TTC23: variants seen among roughly 807,000 people sequenced by gnomAD.
The protein encoded by TTC23 is tetratricopeptide repeat protein 23.
TTC23 carries 58 observed loss-of-function variants against 55.1 expected under a neutral mutation model. The observed-to-expected ratio is 1.05, with a 90% CI of 0.85 to 1.31. The LOEUF (loss-of-function observed/expected upper bound fraction) is 1.31. Among genes scored for constraint, TTC23 ranks in the 50% most tolerant of loss-of-function variants. TTC23 has a pLI of 0.00. For synonymous variants in TTC23, 203 were observed against 199.9 expected (o/e 1.02, Z -0.13); for missense variants, 516 against 534.4 (o/e 0.97, Z 0.34).
chr15:99,138,163 C>A, intron 13 of TTC23, 36 bp from the exon 14 acceptor site: 1 of 1,607,456 alleles, frequency 6.2e-7, no homozygotes, highest in Non-Finnish European at 8.5e-7. Flanking sequence ...AGTGTGGTGC[C>A]CCTCAGCCCC....
At chr15:99,139,910 C>G in intron 12 of TTC23, 1 of 420,788 alleles carries the variant, frequency 2.4e-6, no homozygotes. Flanking sequence ...CTTGATTTCT[C>G]CCTTCTGCTT....
rs1008069494 is a variant in TTC23, at chr15:99,137,901, G to A, written c.*109C>T. ...ATGTTGGGGCCAACAGTTGGCCTTG[G>A]AAATCTGTATCCTGACTGTTGAATT... On this transcript the variant is annotated 3_prime_UTR_variant, in exon 14 of 14. Transcript: ENST00000394132. The A allele has an allele frequency of 2.2e-5, 33 of 1,529,964 alleles. No individual in the cohort carries two copies. The highest frequency in any genetic ancestry group is 5.3e-6 in the Non-Finnish European group (6 of 1,130,436). The allele number at this position is 1,529,964 out of a possible 1,614,324, so 94.8% of individuals were successfully genotyped here.
At chr15:99,142,463 G>C (rs2068347322) in intron 12 of TTC23, among the ~76,000 whole-genome samples, 1 of 152,212 alleles carries the variant, frequency 6.6e-6, no homozygotes, top group Non-Finnish European at 1.5e-5. Flanking sequence ...CTCTGATGCA[G>C]CTCATTTTGA....
At chr15:99,142,036 C>T (rs937590778) in intron 12 of TTC23, among the ~76,000 whole-genome samples, 2 of 152,192 alleles carry the variant, frequency 1.3e-5, no homozygotes, top group African/African-American at 4.8e-5. Context: ...ATGGGCTGAG[C>T]TGCTCATTCC....
rs142575241 is a variant in TTC23 at position 99,243,874 on chromosome 15, C to T, written c.-309+1515G>A. Reference sequence around the variant, plus strand: ...GTGGGGATAGTTAATGGGTACAAAACGTAGTTAGATAGAATGAATAAGATC... The same window carrying T: ...GTGGGGATAGTTAATGGGTACAAAATGTAGTTAGATAGAATGAATAAGATC... On this transcript the variant is annotated intron_variant, in intron 2 of 13. Transcript: ENST00000394132. Among the ~76,000 whole-genome samples the T allele has an allele frequency of 3.5e-3, 536 of 152,054 alleles. 3 individuals are homozygous for T. The highest frequency in any genetic ancestry group is 4.6e-3 in the Admixed American group (70 of 15,272).
chr15:99,163,261 A>AT (rs1218110515), intron 10 of TTC23, among the ~76,000 whole-genome samples: 1 of 152,172 alleles, frequency 6.6e-6, no homozygotes, highest in African/African-American at 2.4e-5. Context: ...GATGAGAAGG[A>AT]TTTTGCCTGC....
chr15:99,169,127 C>T (rs1044176138), intron 10 of TTC23, among the ~76,000 whole-genome samples: 13 of 152,230 alleles, frequency 8.5e-5, no homozygotes, highest in African/African-American at 2.9e-4. Flanking sequence ...CCCCTTTCTC[C>T]CTCACTCCCT....
intron 12 of TTC23, chr15:99,144,550 T>C (rs1596212909): frequency 6.6e-6 from 1 of 152,316 alleles, no homozygotes; most frequent in East Asian, 1.9e-4. Context: ...ATAACATCTA[T>C]TGAGGAATTT....
rs953381338 is a variant in TTC23, at chr15:99,241,346, T to C, written c.-114+19A>G. ...CAAACAAACAAACAAACAAAAAACA[T>C]GCTTCTCAGTTCACTTACTTTGAGT... On this transcript the variant is annotated intron_variant, in intron 3 of 13. Transcript: ENST00000394132. 3 of 152,856 alleles carry C rather than the reference T, an allele frequency of 2.0e-5. No individual in the cohort carries two copies. Among genetic ancestry groups the C allele is most frequent in the Admixed American group, 6.5e-5 (1 of 15,284 alleles). The allele number at this position is 152,856 out of a possible 1,614,324, so 9.5% of individuals were successfully genotyped here.
Position 99,221,857 on chromosome 15 carries a change from T to C in TTC23, c.188A>G (p.Gln63Arg). The C allele has an allele frequency of 6.2e-7, 1 of 1,614,166 alleles. No homozygotes were observed. The change falls in exon 6 of 14, where the codon CAG (glutamine) becomes CGG (arginine). Residue 63 changes from glutamine (Q) to arginine (R), a missense_variant. Transcript: ENST00000394132. ...KSYSNSHEYK[Q>R]AVHELVRCVA... The stretch of plus-strand genomic sequence containing the variant: ...GCAACGCACAAGCTCATGGACGGCC[T>C]GTTTGTACTGTTAGGAAGAGAAAAC...
At chr15:99,145,362 A>T (rs565901210) in intron 12 of TTC23, 1 of 152,356 alleles carries the variant, frequency 6.6e-6, no homozygotes, top group Non-Finnish European at 1.5e-5. Flanking sequence ...AAACGTGTCA[A>T]CAACTTGTGA....
intron 8 of TTC23, among the ~76,000 whole-genome samples, chr15:99,206,894 G>A (rs2076673165): frequency 6.6e-6 from 1 of 151,872 alleles, no homozygotes; most frequent in South Asian, 2.1e-4. Flanking sequence ...CACATTGTTA[G>A]GCTGTTTATT....
At chr15:99,176,829 A>G (rs2073615199) in intron 9 of TTC23, among the ~76,000 whole-genome samples, 1 of 152,196 alleles carries the variant, frequency 6.6e-6, no homozygotes, top group African/African-American at 2.4e-5. Context: ...AGAGATAGAG[A>G]TAAGAGTCTG....
At chr15:99,199,234 T>C (rs1218473892) in intron 9 of TTC23, among the ~76,000 whole-genome samples, 1 of 152,082 alleles carries the variant, frequency 6.6e-6, no homozygotes, top group Non-Finnish European at 1.5e-5. Flanking sequence ...GTTTCCCCTG[T>C]GGATTCCAGA....
chr15:99,177,671 C>CAT (rs2073720797), intron 9 of TTC23, among the ~76,000 whole-genome samples: 1 of 152,166 alleles, frequency 6.6e-6, no homozygotes, highest in South Asian at 2.1e-4. Context: ...GATGCAAAGA[C>CAT]ATATAGTATT....
At chr15:99,219,669 T>C (rs1243824867) in intron 6 of TTC23, among the ~76,000 whole-genome samples, 2 of 152,154 alleles carry the variant, frequency 1.3e-5, no homozygotes, top group Non-Finnish European at 2.9e-5. Context: ...TTCCCCAGTG[T>C]GTTCCAGTGT....
intron 12 of TTC23, chr15:99,155,798 A>G (rs1555498860): frequency 6.1e-6 from 2 of 328,322 alleles, no homozygotes; most frequent in African/African-American, 4.2e-5. Flanking sequence ...ATAAACTCCA[A>G]ATTTAAAGAA....
intron 9 of TTC23, among the ~76,000 whole-genome samples, chr15:99,185,551 A>G (rs1038068125): frequency 2.0e-5 from 3 of 152,220 alleles, no homozygotes; most frequent in African/African-American, 7.2e-5. Context: ...GAAACTGAAA[A>G]AGAGGGATAT....
chr15:99,154,526 T>C (rs2070283797), intron 12 of TTC23, among the ~76,000 whole-genome samples: 1 of 152,186 alleles, frequency 6.6e-6, no homozygotes, highest in Non-Finnish European at 1.5e-5. Flanking sequence ...TCCTTTTGCT[T>C]TCTGCCAAGG....
Sources: gnomAD v4.1 joint callset for allele counts (sites outside exome capture counted in the v4.1 genomes callset) on GRCh38, gnomAD v4.1.1 for gene constraint, MANE v1.5 for transcripts, NCBI Gene and HGNC (gene_info 2026-07-23, HGNC 2026-07-21) for gene names.